The following PCLO variants were observed in gnomAD, a reference collection of about 807,000 sequenced individuals.
PCLO encodes the protein piccolo presynaptic cytomatrix protein, also known as protein piccolo.
PCLO carries 82 observed loss-of-function variants against 427.5 expected under a neutral mutation model. The ratio of observed to expected loss-of-function variants is 0.19; its 90% CI spans 0.16 to 0.23. The LOEUF (loss-of-function observed/expected upper bound fraction) is 0.23. Among genes scored for constraint, PCLO ranks in the 10% least tolerant of loss-of-function variants. PCLO has a pLI of 1.00. For missense variants in PCLO, 6,239 were observed against 6,115.9 expected, an observed-to-expected ratio of 1.02 and a Z score of -0.67; for synonymous variants, 2,357 against 2,155.4, an observed-to-expected ratio of 1.09 and a Z score of -2.59.
intron 3 of PCLO, among the ~76,000 whole-genome samples, chr7:83,084,610 A>C (rs1047425811): frequency 6.6e-6 from 1 of 152,216 alleles, no homozygotes; most frequent in Non-Finnish European, 1.5e-5. Context: ...TGGAAAAAAT[A>C]CTTCTGTAAG....
chr7:82,857,960 A>G (rs1322210342), intron 10 of PCLO, among the ~76,000 whole-genome samples: 1 of 152,178 alleles, frequency 6.6e-6, no homozygotes, highest in Admixed American at 6.5e-5. Flanking sequence ...AAATACTTCC[A>G]AACTCATTGT....
At chr7:83,093,492 A>ATATATATATATT in intron 3 of PCLO, among the ~76,000 whole-genome samples, 2 of 59,344 alleles carry the variant, frequency 3.4e-5, no homozygotes, top group African/African-American at 1.1e-4. Flanking sequence ...ATATATATAT[A>ATATATATATATT]TTTTTTTTTT....
chr7:83,110,704 G>A (rs1204752426), intron 3 of PCLO, among the ~76,000 whole-genome samples: 1 of 152,004 alleles, frequency 6.6e-6, no homozygotes, highest in Admixed American at 6.6e-5. Flanking sequence ...CATTATACAT[G>A]AATATTACTC....
rs1039468748 is a variant in PCLO at position 82,754,235 on chromosome 7, A to G, written c.*4340T>C. ...TTAGTCCAAGAATTTGCATTTGTCC[A>G]TTAGATTTTCCAAAGGGATTTGGGT... is the stretch of plus-strand genomic sequence containing the variant. On this transcript the variant is annotated 3_prime_UTR_variant, in exon 25 of 25. Coordinates refer to ENST00000333891, the MANE Select transcript of PCLO (RefSeq NM_033026.6). The G allele has an allele frequency of 2.0e-5, 3 of 152,116 alleles. No individual in the cohort carries two copies. Among genetic ancestry groups the G allele is most frequent in the African/African-American group, 7.2e-5 (3 of 41,438 alleles). 9.4% of individuals were successfully genotyped at this position (152,116 alleles called of 1,614,324 possible).
intron 10 of PCLO, among the ~76,000 whole-genome samples, chr7:82,856,356 C>T (rs1031294375): frequency 1.3e-5 from 2 of 152,068 alleles, no homozygotes; most frequent in Non-Finnish European, 2.9e-5. Flanking sequence ...GATTTGTGGA[C>T]CAACCTGTTA....
chr7:82,813,718 A>G (rs1040343667), intron 20 of PCLO, among the ~76,000 whole-genome samples: 1 of 151,864 alleles, frequency 6.6e-6, no homozygotes, highest in African/African-American at 2.4e-5. Context: ...TAAAAATAAT[A>G]TCAGCAAATG....
At chr7:83,107,725 T>A (rs62458615) in intron 3 of PCLO, among the ~76,000 whole-genome samples, 49,584 of 103,808 alleles carry the variant, frequency 0.48, 9,255 homozygotes, top group East Asian at 0.66. Flanking sequence ...GTGCGGTGGC[T>A]CACGCCTATA....
At chr7:82,978,248 T>TA (rs903572154) in intron 3 of PCLO, among the ~76,000 whole-genome samples, 8 of 150,228 alleles carry the variant, frequency 5.3e-5, no homozygotes, top group Non-Finnish European at 7.4e-5. Context: ...AGTTTTAAAT[T>TA]AAAAAAAAAT....
At chr7:82,781,549 A>T (rs1294877774) in intron 22 of PCLO, among the ~76,000 whole-genome samples, 1 of 147,932 alleles carries the variant, frequency 6.8e-6, no homozygotes, top group Non-Finnish European at 1.5e-5. Flanking sequence ...ATGTAATTAC[A>T]TTTGTGTTCT....
chr7:83,122,624 C>T (rs1791317895), intron 3 of PCLO, among the ~76,000 whole-genome samples: 1 of 152,028 alleles, frequency 6.6e-6, no homozygotes, highest in Non-Finnish European at 1.5e-5. Context: ...CAACGTAGTA[C>T]TGGAAGTCCT....
chr7:83,099,774 T>C (rs1327450143), intron 3 of PCLO, among the ~76,000 whole-genome samples: 1 of 152,166 alleles, frequency 6.6e-6, no homozygotes, highest in Non-Finnish European at 1.5e-5. Flanking sequence ...TTTTTAGATA[T>C]AATCCATATC....
chr7:82,797,166 T>C (rs1052252441), intron 22 of PCLO, among the ~76,000 whole-genome samples: 2 of 152,098 alleles, frequency 1.3e-5, no homozygotes, highest in Non-Finnish European at 2.9e-5. Flanking sequence ...TGAAACTAAA[T>C]TGGATTTTAT....
chr7:82,950,197 G>A lies in PCLO; in HGVS notation c.10391C>T (p.Thr3464Ile), dbSNP rs1228974248. The A allele has an allele frequency of 6.2e-7, 1 of 1,611,430 alleles. No homozygotes were observed. Among genetic ancestry groups the A allele is most frequent in the Admixed American group, 1.7e-5 (1 of 59,624 alleles). ...GACGCTTGTATCCACACTCTTTTTA[G>A]TTCTCCTTCTCCTACTCACATAGCT... ...DRSYVSRRRR[T>I]KKSVDTSVQT... Residue 3464 changes from threonine (T) to isoleucine (I), a missense_variant, in exon 6 of 25, where the codon ACT becomes ATT. By Grantham distance (89) the Thr-to-Ile change is moderately conservative. Coordinates refer to ENST00000333891, the MANE Select transcript of PCLO (RefSeq NM_033026.6).
intron 21 of PCLO, 43 bp downstream of exon 21, chr7:82,805,645 G>C (rs1047585504): frequency 1.9e-6 from 3 of 1,577,868 alleles, no homozygotes; most frequent in Non-Finnish European, 2.6e-6. Context: ...CCTTACTCAT[G>C]ATGCTGAGTA....
chr7:82,789,632 AAGGTGG>A (rs1791059077), intron 22 of PCLO, among the ~76,000 whole-genome samples: 1 of 152,092 alleles, frequency 6.6e-6, no homozygotes, highest in South Asian at 2.1e-4. Flanking sequence ...TTGAAGCTGG[AAGGTGG>A]AGGTTGCAGT....
At chr7:82,806,092 T>C (rs1275957918) in intron 20 of PCLO, among the ~76,000 whole-genome samples, 1 of 152,188 alleles carries the variant, frequency 6.6e-6, no homozygotes, top group Non-Finnish European at 1.5e-5. Flanking sequence ...CCAAGTTAAA[T>C]AGTATGTAAC....
intron 22 of PCLO, among the ~76,000 whole-genome samples, chr7:82,789,531 C>A (rs905056468): frequency 1.3e-5 from 2 of 152,060 alleles, no homozygotes; most frequent in African/African-American, 4.8e-5. Context: ...CATGGTGAAA[C>A]CCCATCTCTA....
At position 82,778,207 on chromosome 7, in the gene PCLO, A is replaced by T. The variant is rs1466009890; in HGVS notation, c.15008-16714T>A. Among the ~76,000 whole-genome samples the T allele has an allele frequency of 2.0e-5, 3 of 152,200 alleles. No homozygotes were observed. In the East Asian group the frequency reaches 5.8e-4, roughly 29 times the overall value. ...TCATAGAGGAATGCAAATCAAAACC[A>T]CAATGAGATACCATATCATACCAGT... On this transcript the variant is annotated intron_variant, in intron 22 of 24. Transcript: ENST00000333891.
At chr7:82,829,815 T>G (rs1404417918) in intron 16 of PCLO, among the ~76,000 whole-genome samples, 1 of 152,104 alleles carries the variant, frequency 6.6e-6, no homozygotes, top group African/African-American at 2.4e-5. Flanking sequence ...TGCAACATTA[T>G]TTCAATAGTA....
Sources: allele counts gnomAD v4.1 joint callset (sites outside exome capture counted in the v4.1 genomes callset), GRCh38; gene constraint gnomAD v4.1.1; transcripts MANE v1.5; gene names NCBI Gene and HGNC (gene_info 2026-07-23, HGNC 2026-07-21).